Variants in LTK observed in about 807,000 individuals in gnomAD.
LTK encodes the protein leukocyte tyrosine kinase receptor.
LTK carries 117 observed loss-of-function variants against 101.5 expected under a neutral mutation model. The ratio of observed to expected loss-of-function variants is 1.15; its 90% CI spans 0.99 to 1.34. LTK has a LOEUF of 1.34. LTK is among the 40% of genes most tolerant of loss of function. LTK has a pLI of 0.00. For synonymous variants in LTK, 563 were observed against 494.2 expected (o/e 1.14, Z -1.85); for missense variants, 1,252 against 1,164.7 (o/e 1.07, Z -1.09).
At position 41,503,678 on chromosome 15, in the gene LTK, T is replaced by G; in HGVS notation, c.*318A>C. ...CTTTTTATTAGAAGCATCTGCAGGG[T>G]GGGGGGTCTGCCCAGATGAAGGATG... On this transcript the variant is annotated 3_prime_UTR_variant, in exon 20 of 20. Transcript: ENST00000263800. The G allele has an allele frequency of 1.6e-6, 1 of 620,764 alleles. No individual in the cohort carries two copies. 38.5% of individuals were successfully genotyped at this position (620,764 alleles called of 1,614,324 possible).
rs1049203690 is a variant in LTK at position 41,512,716 on chromosome 15, C to G, written c.350G>C (p.Gly117Ala). 1 of 1,590,706 alleles carries G rather than the reference C, an allele frequency of 6.3e-7. No individual in the cohort carries two copies. The highest frequency in any genetic ancestry group is 8.5e-7 in the Non-Finnish European group (1 of 1,171,308). ...GVQLWRVPGP[G>A]QYLISAYGAA... is the part of the protein sequence containing the mutation. ...TCCGCCGTGCACTTACAGATACTGG[C>G]CAGGGCCCGGCACGCGCCACAGCTG... The change falls in exon 3 of 20, where the codon GGC (glycine) becomes GCC (alanine). Residue 117 changes from glycine to alanine, a missense_variant. Physicochemically the swap from Gly to Ala is moderately conservative, Grantham distance 60 (BLOSUM62 0). Transcript: ENST00000263800.
Position 41,505,429 on chromosome 15 carries a change from C to T in LTK, c.1799G>A (p.Ser600Asn). The change falls in exon 14 of 20, where the codon AGT becomes AAT. Residue 600 changes from serine (S) to asparagine (N), a missense_variant. Ser to Asn is a conservative substitution (Grantham distance 46). Coordinates refer to ENST00000263800, the MANE Select transcript of LTK (RefSeq NM_002344.6). ...GTGTGGCCGACTGTGCCTCAGGAAA[C>T]TCTTCATGTCCCCTCCAGACATCAG... is the stretch of plus-strand genomic sequence containing the variant. ...LELMSGGDMK[S>N]FLRHSRPHLG... The T allele has an allele frequency of 6.2e-7, 1 of 1,614,094 alleles. No homozygotes were observed. Among genetic ancestry groups the T allele is most frequent in the Non-Finnish European group, 8.5e-7 (1 of 1,179,996 alleles).
At chr15:41,506,531 C>A (rs1029864848) in intron 11 of LTK, among the ~76,000 whole-genome samples, 3 of 152,010 alleles carry the variant, frequency 2.0e-5, no homozygotes, top group African/African-American at 7.3e-5. Flanking sequence ...TCTCGAACCC[C>A]TGACCTCAGG....
Position 41,509,095 on chromosome 15 carries a change from AG to A in LTK, c.1031del (p.Ala344ValfsTer30), listed in dbSNP as rs745662330. The A allele has an allele frequency of 1.9e-6, 3 of 1,613,888 alleles. No homozygotes were observed. In the South Asian group the frequency reaches 3.3e-5, roughly 18 times the overall value. On this transcript the variant is annotated frameshift_variant, in exon 8 of 20. Transcript: ENST00000263800. LOFTEE classifies it high-confidence loss of function. Reference sequence around the variant, plus strand: ...TGAAGGATACTCCATCTTCCCCATCAGCCCAGAGGTTGTCAGTCTCTGAAGC... The same window carrying A: ...TGAAGGATACTCCATCTTCCCCATCACCCAGAGGTTGTCAGTCTCTGAAGC... ...GDASETDNLW[A>X]DGEDGVSFIH...
chr15:41,512,672 G>C (rs755938388), intron 3 of LTK, 35 bp downstream of exon 3: 2 of 1,513,816 alleles, frequency 1.3e-6, no homozygotes, highest in African/African-American at 2.8e-5. Context: ...CCAACTAGCA[G>C]GTCACTGTCC....
Position 41,508,176 on chromosome 15 carries a change from C to A in LTK, c.1142G>T (p.Cys381Phe). Residue 381 changes from cysteine to phenylalanine, a missense_variant, in exon 9 of 20, where the codon TGC (cysteine) becomes TTC (phenylalanine). Coordinates refer to ENST00000263800, the MANE Select transcript of LTK (RefSeq NM_002344.6). ...GCAGTCTCTCAAAGGGCAGTGACTG[C>A]AGTTGAGGTGCCTTCGGATCTCTAC... ...GEVEIRRHLN[C>F]SHCPLRDCQW... The A allele has an allele frequency of 6.2e-7, 1 of 1,613,182 alleles. No individual in the cohort carries two copies.
In LTK at chr15:41,511,856, T is replaced by TC; in HGVS notation, c.617dup (p.Gly207ArgfsTer134). On this transcript the variant is annotated frameshift_variant, in exon 5 of 20. Transcript: ENST00000263800. LOFTEE classifies it high-confidence loss of function. The surrounding 1 kb of genome is among the most constrained non-coding windows in gnomAD (Gnocchi z 5.9). ...TGGCGCCCCCGCCACCCCCGCCACC[T>TC]CCCGCCCAGCGCCGCGACCCCGGGA... is the stretch of plus-strand genomic sequence containing the variant. 1 of 724,190 alleles carries TC rather than the reference T, an allele frequency of 1.4e-6. No homozygotes were observed. The highest frequency in any genetic ancestry group is 1.9e-6 in the Non-Finnish European group (1 of 525,446). The allele number at this position is 724,190 out of a possible 1,614,324, so 44.9% of individuals were successfully genotyped here.
Position 41,505,080 on chromosome 15 carries a change from A to G in LTK, c.1926-16T>C, listed in dbSNP as rs1595456590. The G allele has an allele frequency of 1.2e-6, 2 of 1,603,754 alleles. No individual in the cohort carries two copies. Among genetic ancestry groups the G allele is most frequent in the East Asian group, 2.2e-5 (1 of 44,752 alleles). ...GGCAATATCCCTACAGAGTAGGCAA[A>G]AAAAATCACTGCCAGAATCTAGAAG... On this transcript the variant is annotated splice_polypyrimidine_tract_variant and intron_variant, in intron 15 of 19. Coordinates refer to ENST00000263800, the MANE Select transcript of LTK (RefSeq NM_002344.6).
chr15:41,507,054 T>G, intron 11 of LTK, 41 bp downstream of exon 11: 1 of 1,563,712 alleles, frequency 6.4e-7, no homozygotes, highest in Non-Finnish European at 8.7e-7. Flanking sequence ...GAGGTGGGGA[T>G]TCAGAGTGCA....
chr15:41,504,689 C>T (rs1325876123), intron 17 of LTK, 49 bp from the exon 18 acceptor site: 6 of 1,603,852 alleles, frequency 3.7e-6, no homozygotes, highest in Middle Eastern at 1.7e-4. Context: ...GTGTAGCCTC[C>T]CCTCACATGA....
chr15:41,512,285 A>T lies in LTK; in HGVS notation c.360-20T>A. The T allele has an allele frequency of 6.2e-7, 1 of 1,605,522 alleles. No homozygotes were observed. The highest frequency in any genetic ancestry group is 8.5e-7 in the Non-Finnish European group (1 of 1,175,328). On this transcript the variant is annotated intron_variant, in intron 3 of 19. Transcript: ENST00000263800. ...GAGATCCTGCGGGGAACGGACGGTG[A>T]GTCCCCGGCCTTCGGTGCTCAGGCC...
Position 41,511,149 on chromosome 15 carries a change from C to CT in LTK, c.997+14_997+15insA. The CT allele has an allele frequency of 1.4e-6, 2 of 1,398,330 alleles. No homozygotes were observed. Among genetic ancestry groups the CT allele is most frequent in the Non-Finnish European group, 1.8e-6 (2 of 1,083,548 alleles). The allele number at this position is 1,398,330 out of a possible 1,614,324, so 86.6% of individuals were successfully genotyped here. ...CTCGGGCCTGCTCAGCTGCCCTCTC[C>CT]AACGGTGCACCTACCCCTGTAGCCG... On this transcript the variant is annotated intron_variant, in intron 7 of 19. Coordinates refer to ENST00000263800, the MANE Select transcript of LTK (RefSeq NM_002344.6). This position sits in a 1 kb window ranked among gnomAD's most constrained non-coding sequence, Gnocchi z 5.9.
Position 41,507,170 on chromosome 15 carries a change from C to T in LTK, c.1466G>A (p.Gly489Glu). The T allele has an allele frequency of 3.1e-6, 5 of 1,613,746 alleles. No individual in the cohort carries two copies. Among genetic ancestry groups the T allele is most frequent in the Non-Finnish European group, 4.2e-6 (5 of 1,179,928 alleles). The change falls in exon 11 of 20, where the codon GGG (glycine) becomes GAG (glutamate). Residue 489 changes from glycine to glutamate, a missense_variant. Physicochemically the swap from Gly to Glu is moderately conservative, Grantham distance 98 (BLOSUM62 -2). Coordinates refer to ENST00000263800, the MANE Select transcript of LTK (RefSeq NM_002344.6). Reference protein sequence around the residue: ...TAPNPYYCQVGLGPAQSWPLP... With the variant: ...TAPNPYYCQVELGPAQSWPLP... The stretch of plus-strand genomic sequence containing the variant: ...AGGCCAGGACTGGGCCGGGCCAAGC[C>T]CCACCTGGCAATAATAGGGATTGGG...
intron 1 of LTK, 135 bp from the exon 2 acceptor site, chr15:41,513,255 T>G (rs1452344756): frequency 3.1e-5 from 34 of 1,098,680 alleles, no homozygotes; most frequent in Non-Finnish European, 4.1e-5. Context: ...GCTCTCAGCC[T>G]GGAAGCCACT....
chr15:41,504,698 G>A (rs1248987510), intron 17 of LTK, 58 bp from the exon 18 acceptor site: 3 of 1,600,110 alleles, frequency 1.9e-6, no homozygotes, highest in African/African-American at 2.7e-5. Flanking sequence ...CCCCTCACAT[G>A]AGGTGGCTGG....
rs1469901329 is a variant in LTK at position 41,505,019 on chromosome 15, G to A, written c.1971C>T (p.Ser657=). 1.2e-6 allele frequency: 2 copies of A among 1,613,516 alleles called. No individual in the cohort carries two copies. The highest frequency in any genetic ancestry group is 8.5e-7 in the Non-Finnish European group (1 of 1,179,656). ...RNCLLSCAGP[S]RVAKIGDFGM... ...CAAAGTCCCCAATCTTGGCCACTCG[G>A]CTGGGTCCAGCGCAGCTCAGCAGGC... Residue 657 remains serine (S), a synonymous_variant, in exon 16 of 20, where the codon AGC becomes AGT. Transcript: ENST00000263800.
rs2051210583 is a variant in LTK, at chr15:41,504,963, G to A, written c.2018+9C>T. ...GAGCAAGAGCCTTCCCACCTCCCAA[G>A]TCCCGCACCGGTAGATATCTCGTGC... On this transcript the variant is annotated intron_variant, in intron 16 of 19. Coordinates refer to ENST00000263800, the MANE Select transcript of LTK (RefSeq NM_002344.6). The A allele has an allele frequency of 3.1e-6, 5 of 1,606,622 alleles. No homozygotes were observed. Among genetic ancestry groups the A allele is most frequent in the Non-Finnish European group, 4.3e-6 (5 of 1,175,862 alleles).
chr15:41,511,824 A>G lies in LTK; in HGVS notation c.650T>C (p.Val217Ala). 6.7e-7 allele frequency: 1 copy of G among 1,488,980 alleles called. No homozygotes were observed. Among genetic ancestry groups the G allele is most frequent in the Non-Finnish European group, 8.9e-7 (1 of 1,129,134 alleles). 92.2% of individuals were successfully genotyped at this position (1,488,980 alleles called of 1,614,324 possible). A position where few individuals can be genotyped will look rare whatever the true frequency, so the allele number is the denominator to read the frequency against. Residue 217 changes from valine (V) to alanine (A), a missense_variant, in exon 5 of 20, where the codon GTT becomes GCT. Val to Ala is a moderately conservative substitution (Grantham distance 64). Coordinates refer to ENST00000263800, the MANE Select transcript of LTK (RefSeq NM_002344.6). The surrounding 1 kb of genome is among the most constrained non-coding windows in gnomAD (Gnocchi z 5.9). Reference sequence around the variant, plus strand: ...GCCGAAGGGAGCACGTACCCGGAAAACGTAGGTGGCGCCCCCGCCACCCCC... The same window carrying G: ...GCCGAAGGGAGCACGTACCCGGAAAGCGTAGGTGGCGCCCCCGCCACCCCC... ...GGGGGGGATY[V>A]FRVRAGELEP...
In LTK at chr15:41,504,654, G is replaced by C. The variant is rs753740068; in HGVS notation, c.2121-14C>G. ...ACCCCAAAAGACCTGCATCACAAGT[G>C]GGGGAACCAAGTGAGGCCCGTCAGG... On this transcript the variant is annotated splice_polypyrimidine_tract_variant and intron_variant, in intron 17 of 19. Coordinates refer to ENST00000263800, the MANE Select transcript of LTK (RefSeq NM_002344.6). 1.9e-6 allele frequency: 3 copies of C among 1,611,594 alleles called. No homozygotes were observed. Among genetic ancestry groups the C allele is most frequent in the Non-Finnish European group, 2.5e-6 (3 of 1,179,030 alleles).
Sources: allele counts gnomAD v4.1 joint callset (sites outside exome capture counted in the v4.1 genomes callset), GRCh38; gene constraint gnomAD v4.1.1; non-coding constraint Gnocchi (gnomAD v3.1); transcripts MANE v1.5; gene names NCBI Gene and HGNC (gene_info 2026-07-23, HGNC 2026-07-21).